Variants in GALNTL6 observed in about 807,000 individuals in gnomAD.
The protein encoded by GALNTL6 is polypeptide N-acetylgalactosaminyltransferase-like 6.
A neutral mutation model predicts 73.7 loss-of-function variants in GALNTL6; 46 were observed. That is an observed-to-expected ratio of 0.62 (90% confidence interval 0.49 to 0.80). GALNTL6 has a LOEUF of 0.80. GALNTL6 is among the 30% of genes least tolerant of loss of function. The pLI, the probability that GALNTL6 is intolerant of heterozygous loss-of-function variation, is 0.00. For synonymous variants in GALNTL6, 259 were observed against 263.7 expected, an observed-to-expected ratio of 0.98 and a Z score of 0.17; for missense variants, 604 against 755.0, an observed-to-expected ratio of 0.80 and a Z score of 2.34.
chr4:172,517,080 CA>C (rs1370311228), intron 5 of GALNTL6, among the ~76,000 whole-genome samples: 2 of 152,056 alleles, frequency 1.3e-5, no homozygotes, highest in Non-Finnish European at 2.9e-5. Flanking sequence ...TCAAGTTTTA[CA>C]AGATGGAAAT....
chr4:172,336,275 G>GTT (rs200566896), intron 4 of GALNTL6, among the ~76,000 whole-genome samples: 17 of 126,038 alleles, frequency 1.3e-4, no homozygotes, highest in Middle Eastern at 4.5e-3. Flanking sequence ...GTTTTGTTTT[G>GTT]TTTTTTTTTT....
chr4:172,278,128 A>AT (rs1421711358), intron 3 of GALNTL6, among the ~76,000 whole-genome samples: 3 of 152,216 alleles, frequency 2.0e-5, no homozygotes, highest in African/African-American at 7.2e-5. Flanking sequence ...GCAGATGAGA[A>AT]TTTTATCTCT....
At chr4:172,867,375 G>T (rs901680063) in intron 7 of GALNTL6, among the ~76,000 whole-genome samples, 5 of 152,190 alleles carry the variant, frequency 3.3e-5, no homozygotes, top group African/African-American at 9.6e-5. Flanking sequence ...GAGGACAGAG[G>T]TGGGACATCT....
chr4:172,172,107 C>A (rs1303650386), intron 2 of GALNTL6, among the ~76,000 whole-genome samples: 1 of 152,142 alleles, frequency 6.6e-6, no homozygotes, highest in Non-Finnish European at 1.5e-5. Flanking sequence ...TAGATAGGGC[C>A]TTTAAAGAAT....
At chr4:172,358,679 CT>C (rs1310905694) in intron 5 of GALNTL6, among the ~76,000 whole-genome samples, 1 of 151,942 alleles carries the variant, frequency 6.6e-6, no homozygotes, top group Non-Finnish European at 1.5e-5. Flanking sequence ...CAAAATTTAC[CT>C]TTTAACCATG....
intron 4 of GALNTL6, among the ~76,000 whole-genome samples, chr4:172,334,447 G>C (rs1412299232): frequency 6.6e-6 from 1 of 152,074 alleles, no homozygotes; most frequent in Non-Finnish European, 1.5e-5. Context: ...AATTTTGCTT[G>C]TAGAGATTTT....
intron 8 of GALNTL6, among the ~76,000 whole-genome samples, chr4:172,912,244 AT>A (rs1454936442): frequency 6.6e-6 from 1 of 152,190 alleles, no homozygotes; most frequent in Admixed American, 6.5e-5. Context: ...TAAGAATTTG[AT>A]TTTTGGTTCC....
chr4:171,821,623 T>C lies in GALNTL6; in HGVS notation c.138+6905T>C, dbSNP rs556223309. Among the ~76,000 whole-genome samples the C allele has an allele frequency of 2.6e-3, 379 of 147,130 alleles. 2 individuals are homozygous for C. The highest frequency in any genetic ancestry group is 9.4e-3 in the African/African-American group (363 of 38,472). Reference sequence around the variant, plus strand: ...TAAACGCTTAGCATCTTTAACAGTATATAACAAGGCTTAACGGATATATAT... The same window carrying C: ...TAAACGCTTAGCATCTTTAACAGTACATAACAAGGCTTAACGGATATATAT... On this transcript the variant is annotated intron_variant, in intron 2 of 12. Transcript: ENST00000506823.
intron 2 of GALNTL6, among the ~76,000 whole-genome samples, chr4:172,022,076 T>G (rs1442505985): frequency 2.0e-5 from 3 of 151,872 alleles, no homozygotes; most frequent in African/African-American, 7.3e-5. Context: ...AAAGCAAAAA[T>G]GGATGAATGG....
At chr4:171,847,689 G>A (rs1735410748) in intron 2 of GALNTL6, among the ~76,000 whole-genome samples, 1 of 152,118 alleles carries the variant, frequency 6.6e-6, no homozygotes, top group South Asian at 2.1e-4. Flanking sequence ...ACCAGGAGTA[G>A]ATTCTATATC....
chr4:172,206,902 C>G (rs1736147701), intron 2 of GALNTL6, among the ~76,000 whole-genome samples: 1 of 144,016 alleles, frequency 6.9e-6, no homozygotes, highest in South Asian at 2.2e-4. Flanking sequence ...ACTGCAAGCT[C>G]CGCCTCTCGG....
intron 5 of GALNTL6, among the ~76,000 whole-genome samples, chr4:172,800,468 A>G (rs73869669): frequency 1.3e-5 from 2 of 152,158 alleles, no homozygotes; most frequent in Non-Finnish European, 2.9e-5. Context: ...GTAAAGCCTT[A>G]ATAGTATCTT....
intron 2 of GALNTL6, among the ~76,000 whole-genome samples, chr4:172,092,461 G>C (rs1199112904): frequency 1.3e-5 from 2 of 151,936 alleles, no homozygotes; most frequent in Admixed American, 1.3e-4. Context: ...TGCTTCAGGG[G>C]CCTCTGGATC....
At chr4:172,238,752 C>G (rs760754797) in intron 3 of GALNTL6, among the ~76,000 whole-genome samples, 6 of 151,916 alleles carry the variant, frequency 3.9e-5, no homozygotes, top group Non-Finnish European at 7.4e-5. Flanking sequence ...ACAGATGGCT[C>G]TTGTTATTTT....
chr4:172,523,190 A>G (rs1734841160), intron 5 of GALNTL6, among the ~76,000 whole-genome samples: 2 of 152,160 alleles, frequency 1.3e-5, no homozygotes, highest in Admixed American at 6.5e-5. Flanking sequence ...ATGTTCGACA[A>G]TATGAATATA....
intron 12 of GALNTL6, among the ~76,000 whole-genome samples, chr4:173,039,303 A>G (rs1372959211): frequency 6.6e-6 from 1 of 152,210 alleles, no homozygotes; most frequent in Admixed American, 6.5e-5. Context: ...GAACTAGCAA[A>G]TTTGAATTTG....
intron 7 of GALNTL6, among the ~76,000 whole-genome samples, chr4:172,837,723 A>T (rs1742987581): frequency 6.6e-6 from 1 of 152,226 alleles, no homozygotes; most frequent in South Asian, 2.1e-4. Context: ...CCTCCCTATG[A>T]TAAAAGCAAT....
intron 2 of GALNTL6, among the ~76,000 whole-genome samples, chr4:172,084,202 T>C (rs1731962583): frequency 6.6e-6 from 1 of 152,140 alleles, no homozygotes; most frequent in South Asian, 2.1e-4. Flanking sequence ...GAAATTGACT[T>C]CTAATAAAGA....
intron 5 of GALNTL6, among the ~76,000 whole-genome samples, chr4:172,354,461 G>A (rs1194712133): frequency 1.3e-5 from 2 of 152,040 alleles, no homozygotes; most frequent in African/African-American, 2.4e-5. Context: ...TAAATGTGCA[G>A]ATTGTCCTAA....
Sources: allele counts gnomAD v4.1 joint callset (sites outside exome capture counted in the v4.1 genomes callset), GRCh38; gene constraint gnomAD v4.1.1; transcripts MANE v1.5; gene names NCBI Gene and HGNC (gene_info 2026-07-23, HGNC 2026-07-21).